Variants in DLGAP4 observed in about 807,000 individuals in gnomAD.
The protein encoded by DLGAP4 is DLG associated protein 4, also known as disks large-associated protein 4.
DLGAP4 carries 18 observed loss-of-function variants against 86.9 expected under a neutral mutation model. The observed-to-expected ratio is 0.21, with a 90% confidence interval of 0.14 to 0.31. The LOEUF (loss-of-function observed/expected upper bound fraction) is 0.31, where lower values mean the gene tolerates loss of function less well. Ranked by LOEUF, DLGAP4 falls within the 10% of genes least tolerant of loss-of-function variation. The pLI is 1.00. For missense variants in DLGAP4, 1,085 were observed against 1,362.6 expected (o/e 0.80, Z 3.21); for synonymous variants, 548 against 574.3 (o/e 0.95, Z 0.65).
At chr20:36,443,349 C>T (rs1400575545) in intron 6 of DLGAP4, among the ~76,000 whole-genome samples, 1 of 152,064 alleles carries the variant, frequency 6.6e-6, no homozygotes, top group Admixed American at 6.5e-5. Flanking sequence ...TGGAAGTGGC[C>T]CTCTCCTCCC....
chr20:36,504,265 G>A (rs2036268678), intron 10 of DLGAP4, among the ~76,000 whole-genome samples: 1 of 152,020 alleles, frequency 6.6e-6, no homozygotes, highest in Non-Finnish European at 1.5e-5. Flanking sequence ...CTGCCTAGCC[G>A]CTGGTATCCT....
intron 1 of DLGAP4, among the ~76,000 whole-genome samples, chr20:36,351,958 A>G (rs1375367194): frequency 6.6e-6 from 1 of 152,132 alleles, no homozygotes; most frequent in Non-Finnish European, 1.5e-5. Flanking sequence ...CTAAGAGGCA[A>G]AACGACCAGG....
At chr20:36,379,439 T>C (rs1272736413) in intron 2 of DLGAP4, among the ~76,000 whole-genome samples, 2 of 152,118 alleles carry the variant, frequency 1.3e-5, no homozygotes, top group African/African-American at 2.4e-5. Context: ...GAGAAGTGGA[T>C]GAGCAGAGAG....
At chr20:36,388,257 AGCATGACACTGTCAG>A (rs1569482024) in intron 2 of DLGAP4, among the ~76,000 whole-genome samples, 1 of 152,112 alleles carries the variant, frequency 6.6e-6, no homozygotes. Context: ...TGGAATCCAT[AGCATGACACTGTCAG>A]GCATCTCTGG....
At chr20:36,423,919 C>T (rs1442153290) in intron 2 of DLGAP4, among the ~76,000 whole-genome samples, 3 of 151,946 alleles carry the variant, frequency 2.0e-5, no homozygotes, top group African/African-American at 7.3e-5. Flanking sequence ...GAGATCATGC[C>T]GCTGCACTCC....
chr20:36,330,329 G>A (rs2065255070), intron 1 of DLGAP4, among the ~76,000 whole-genome samples: 1 of 152,074 alleles, frequency 6.6e-6, no homozygotes, highest in African/African-American at 2.4e-5. Context: ...ACTGGAGAAG[G>A]GCTAGGTTAC....
chr20:36,330,974 T>C (rs2065261615), intron 1 of DLGAP4, among the ~76,000 whole-genome samples: 1 of 152,358 alleles, frequency 6.6e-6, no homozygotes, highest in Non-Finnish European at 1.5e-5. Context: ...ATTACTATTA[T>C]GAGTATCATC....
chr20:36,449,345 G>A (rs1160350682), intron 7 of DLGAP4, among the ~76,000 whole-genome samples: 1 of 152,214 alleles, frequency 6.6e-6, no homozygotes, highest in African/African-American at 2.4e-5. Flanking sequence ...CCCTCTTGGT[G>A]ACCACTTAAT....
At chr20:36,403,326 A>C (rs2032218254) in intron 2 of DLGAP4, among the ~76,000 whole-genome samples, 1 of 152,218 alleles carries the variant, frequency 6.6e-6, no homozygotes, top group Non-Finnish European at 1.5e-5. Context: ...ATCATTCATG[A>C]GACAGAGCCC....
At position 36,350,672 on chromosome 20, in the gene DLGAP4, G is replaced by A. The variant is rs2030121008; in HGVS notation, c.-303-16373G>A. Among the ~76,000 whole-genome samples, 1 of 152,236 alleles carries A rather than the reference G, an allele frequency of 6.6e-6. No individual in the cohort carries two copies. The highest frequency in any genetic ancestry group is 1.5e-5 in the Non-Finnish European group (1 of 68,050). On this transcript the variant is annotated intron_variant, in intron 1 of 12. Transcript: ENST00000339266. The surrounding 1 kb of genome is among the most constrained non-coding windows in gnomAD (Gnocchi z 4.4). The stretch of plus-strand genomic sequence containing the variant: ...CTTTGTTCCAAAAAGTATCAGCCCA[G>A]GCCTCTGCACACAGTAGGTGATCAC...
intron 7 of DLGAP4, among the ~76,000 whole-genome samples, chr20:36,471,410 C>G (rs6021307): frequency 5.3e-5 from 8 of 152,290 alleles, no homozygotes; most frequent in South Asian, 2.1e-4. Flanking sequence ...AGAAGAATCA[C>G]TTGAACCTGG....
intron 2 of DLGAP4, among the ~76,000 whole-genome samples, chr20:36,380,553 A>G (rs2031336829): frequency 1.3e-5 from 2 of 151,010 alleles, no homozygotes; most frequent in African/African-American, 4.9e-5. Context: ...ATGCCACTAC[A>G]CTCCAGCCTG....
intron 2 of DLGAP4, among the ~76,000 whole-genome samples, chr20:36,420,537 CAGA>C (rs1266147176): frequency 1.3e-5 from 2 of 152,100 alleles, no homozygotes; most frequent in Non-Finnish European, 2.9e-5. Flanking sequence ...TCGGGAAAGC[CAGA>C]AGAAGACTGG....
At chr20:36,482,368 G>A (rs989196463) in intron 7 of DLGAP4, among the ~76,000 whole-genome samples, 3 of 152,182 alleles carry the variant, frequency 2.0e-5, no homozygotes, top group African/African-American at 7.2e-5. Context: ...GCCAGGGTTT[G>A]AAGTCAGCCC....
At chr20:36,443,996 C>T (rs185945064) in intron 6 of DLGAP4, among the ~76,000 whole-genome samples, 21 of 152,252 alleles carry the variant, frequency 1.4e-4, no homozygotes, top group Non-Finnish European at 2.2e-4. Flanking sequence ...AAACGATGGG[C>T]CAAGGGTTGG....
At chr20:36,381,874 C>T (rs1383718989) in intron 2 of DLGAP4, among the ~76,000 whole-genome samples, 1 of 152,124 alleles carries the variant, frequency 6.6e-6, no homozygotes, top group Non-Finnish European at 1.5e-5. Flanking sequence ...GGAGAAGAGA[C>T]ACCTGTGGCA....
chr20:36,476,794 G>A (rs951231723), intron 7 of DLGAP4, among the ~76,000 whole-genome samples: 7 of 128,436 alleles, frequency 5.5e-5, no homozygotes, highest in Non-Finnish European at 6.3e-5. Context: ...CGCAACCTCC[G>A]CCTCCCAGGT....
intron 10 of DLGAP4, among the ~76,000 whole-genome samples, chr20:36,513,300 G>A (rs1024514820): frequency 7.3e-5 from 11 of 151,574 alleles, no homozygotes; most frequent in Non-Finnish European, 1.3e-4. Context: ...TGTAATCCCA[G>A]CACTTTGGGA....
intron 1 of DLGAP4, among the ~76,000 whole-genome samples, chr20:36,355,833 T>C (rs1201290830): frequency 6.6e-6 from 1 of 152,182 alleles, no homozygotes; most frequent in Non-Finnish European, 1.5e-5. Context: ...ACCTCCCTTT[T>C]CCATCCCACC....
Sources: gnomAD v4.1 joint callset for allele counts (sites outside exome capture counted in the v4.1 genomes callset) on GRCh38, gnomAD v4.1.1 for gene constraint, Gnocchi (gnomAD v3.1) non-coding constraint, MANE v1.5 for transcripts, NCBI Gene and HGNC (gene_info 2026-07-23, HGNC 2026-07-21) for gene names.